OSGIN1: variants seen among roughly 807,000 people sequenced by gnomAD.
OSGIN1 encodes oxidative stress induced growth inhibitor 1, also known as oxidative stress-induced growth inhibitor 1.
A neutral mutation model predicts 20.1 loss-of-function variants in OSGIN1; 19 were observed. The observed-to-expected ratio is 0.95, with a 90% CI of 0.66 to 1.39. The LOEUF (loss-of-function observed/expected upper bound fraction) is 1.39, where lower values mean the gene tolerates loss of function less well. Among genes scored for constraint, OSGIN1 ranks in the 40% most tolerant of loss-of-function variants. The pLI is 0.00. For synonymous variants in OSGIN1, 368 were observed against 297.8 expected, an observed-to-expected ratio of 1.24 and a Z score of -2.43; for missense variants, 820 against 653.0, an observed-to-expected ratio of 1.26 and a Z score of -2.79.
Position 83,965,984 on chromosome 16 carries a change from AAGG to A in OSGIN1, c.1414_1416del (p.Glu472del). 1.3e-6 allele frequency: 2 copies of A among 1,591,434 alleles called. No individual in the cohort carries two copies. Among genetic ancestry groups the A allele is most frequent in the South Asian group, 1.1e-5 (1 of 88,866 alleles). On this transcript the variant is annotated inframe_deletion, in exon 6 of 6. Coordinates refer to ENST00000393306, the MANE Select transcript of OSGIN1 (RefSeq NM_182981.3). ...GGCTGTGGCCAGCTCCCTGCTAAGG[AAGG>A]AGACCAGGAAGCCACCCTAACACTC...
chr16:83,957,031 C>G (rs778747161), intron 1 of OSGIN1: 8 of 152,446 alleles, frequency 5.2e-5, no homozygotes, highest in African/African-American at 1.7e-4. Flanking sequence ...CTGGGGCAGG[C>G]CACAGCGCTG....
intron 1 of OSGIN1, among the ~76,000 whole-genome samples, chr16:83,957,394 T>C (rs1399838028): frequency 6.7e-6 from 1 of 149,056 alleles, no homozygotes; most frequent in Non-Finnish European, 1.5e-5. Context: ...AGTGGCTGCC[T>C]GGGGCAACCA....
chr16:83,958,069 G>A (rs1909029963), intron 2 of OSGIN1, among the ~76,000 whole-genome samples: 1 of 152,018 alleles, frequency 6.6e-6, no homozygotes, highest in African/African-American at 2.4e-5. Flanking sequence ...TAGAGATGGG[G>A]TTTCGCCATG....
intron 5 of OSGIN1, 156 bp downstream of exon 5, chr16:83,961,228 A>G (rs2084207865): frequency 4.8e-6 from 3 of 621,830 alleles, no homozygotes; most frequent in Middle Eastern, 4.2e-4. Context: ...CATGTGCCCA[A>G]GGTGATCCGG....
At chr16:83,959,965 C>T (rs1052837479) in intron 3 of OSGIN1, among the ~76,000 whole-genome samples, 2 of 152,198 alleles carry the variant, frequency 1.3e-5, no homozygotes, top group Non-Finnish European at 2.9e-5. Flanking sequence ...TACCCCTTGT[C>T]TTCCACTGTG....
chr16:83,965,952 G>A lies in OSGIN1; in HGVS notation c.1379G>A (p.Gly460Asp), dbSNP rs922055576. ...GDNFVRFVQG[G>D]ALAVASSLLR... ...AACTTCGTGAGGTTTGTGCAGGGGGGCGCCTTGGCTGTGGCCAGCTCCCTG... is the reference window on the plus strand; with the variant it reads ...AACTTCGTGAGGTTTGTGCAGGGGGACGCCTTGGCTGTGGCCAGCTCCCTG... The change falls in exon 6 of 6, where the codon GGC becomes GAC. Residue 460 changes from glycine to aspartate, a missense_variant. Physicochemically the swap from Gly to Asp is moderately conservative, Grantham distance 94. Coordinates refer to ENST00000393306, the MANE Select transcript of OSGIN1 (RefSeq NM_182981.3). 5 of 1,610,326 alleles carry A rather than the reference G, an allele frequency of 3.1e-6. No individual in the cohort carries two copies. Among genetic ancestry groups the A allele is most frequent in the African/African-American group, 1.3e-5 (1 of 74,896 alleles).
chr16:83,956,692 G>T (rs1423721818), intron 1 of OSGIN1, among the ~76,000 whole-genome samples: 1 of 152,200 alleles, frequency 6.6e-6, no homozygotes, highest in Non-Finnish European at 1.5e-5. Flanking sequence ...GCGTGAGGCG[G>T]ATATGAGAAA....
chr16:83,960,475 C>T (rs748796088), intron 3 of OSGIN1, 94 bp from the exon 4 acceptor site: 37 of 975,126 alleles, frequency 3.8e-5, no homozygotes, highest in African/African-American at 4.9e-5. Flanking sequence ...GGAAATGGCC[C>T]GGCCCCAGTC....
At position 83,966,128 on chromosome 16, in the gene OSGIN1, T is replaced by A; in HGVS notation, c.*121T>A. 1.2e-6 allele frequency: 1 copy of A among 819,424 alleles called. No individual in the cohort carries two copies. The highest frequency in any genetic ancestry group is 1.9e-6 in the Non-Finnish European group (1 of 538,314). 50.8% of individuals were successfully genotyped at this position (819,424 alleles called of 1,614,324 possible). ...GGGTGTCAGCCCACGTTGCTGGCCT[T>A]TGGGGTCAAGAGGAGTAGGGATCCC... On this transcript the variant is annotated 3_prime_UTR_variant, in exon 6 of 6. Transcript: ENST00000393306.
At chr16:83,957,856 ATTTT>A (rs1289092990) in intron 2 of OSGIN1, 118 bp downstream of exon 2, 2 of 396,858 alleles carry the variant, frequency 5.0e-6, no homozygotes, top group Non-Finnish European at 8.9e-6. Flanking sequence ...TTTGGGGTTT[ATTTT>A]TTATTTATTT....
At chr16:83,953,595 A>AC (rs763954346) in intron 1 of OSGIN1, among the ~76,000 whole-genome samples, 2 of 152,098 alleles carry the variant, frequency 1.3e-5, no homozygotes, top group African/African-American at 2.4e-5. Flanking sequence ...GGTGCCTGGT[A>AC]CCCTCAGCCA....
intron 5 of OSGIN1, among the ~76,000 whole-genome samples, chr16:83,963,498 C>T (rs12929191): frequency 0.014 from 2,181 of 152,200 alleles, 30 homozygotes; most frequent in Non-Finnish European, 0.021. Flanking sequence ...GTTACCCAGC[C>T]CCTGCCAGCC....
At chr16:83,959,608 C>T (rs1006974689) in intron 3 of OSGIN1, among the ~76,000 whole-genome samples, 4 of 152,144 alleles carry the variant, frequency 2.6e-5, no homozygotes, top group African/African-American at 7.2e-5. Flanking sequence ...TGCCCTAGGC[C>T]GGTTGTTCTC....
At chr16:83,960,798 C>T (rs559666565) in intron 4 of OSGIN1, 38 bp downstream of exon 4, 9 of 1,597,190 alleles carry the variant, frequency 5.6e-6, no homozygotes, top group Admixed American at 5.1e-5. Flanking sequence ...GTGGGGGGCT[C>T]TCTCCCTCGT....
chr16:83,956,807 G>A (rs568069490), intron 1 of OSGIN1, among the ~76,000 whole-genome samples: 18 of 152,204 alleles, frequency 1.2e-4, no homozygotes, highest in Non-Finnish European at 2.9e-5. Context: ...TGTGGCCCTC[G>A]GGTGAGGCTG....
Position 83,965,490 on chromosome 16 carries a change from A to G in OSGIN1, c.917A>G (p.His306Arg). ...SAADAVLYAR[H>R]YNIPVIHAFR... is the part of the protein sequence containing the mutation. ...GCCGACGCGGTCCTCTACGCCCGCC[A>G]CTACAACATCCCGGTGATCCATGCC... The change falls in exon 6 of 6, where the codon CAC (histidine) becomes CGC (arginine). Residue 306 changes from histidine to arginine, a missense_variant. His to Arg is a conservative substitution (Grantham distance 29, BLOSUM62 0). Transcript: ENST00000393306. 1 of 1,611,012 alleles carries G rather than the reference A, an allele frequency of 6.2e-7. No individual in the cohort carries two copies. Among genetic ancestry groups the G allele is most frequent in the South Asian group, 1.1e-5 (1 of 91,074 alleles).
At position 83,960,978 on chromosome 16, in the gene OSGIN1, C is replaced by T; in HGVS notation, c.397-3C>T. ...CTGGACCAAAGGGTTCCTTTCCCTG[C>T]AGTCCATCGAAGGCTCCATGGTGAT... On this transcript the variant is annotated splice_polypyrimidine_tract_variant and splice_region_variant and intron_variant, in intron 4 of 5. Transcript: ENST00000393306. The T allele has an allele frequency of 6.2e-7, 1 of 1,612,544 alleles. No individual in the cohort carries two copies. The highest frequency in any genetic ancestry group is 8.5e-7 in the Non-Finnish European group (1 of 1,179,028).
chr16:83,957,349 G>A (rs1176387112), intron 1 of OSGIN1, among the ~76,000 whole-genome samples: 1 of 152,150 alleles, frequency 6.6e-6, no homozygotes, highest in Non-Finnish European at 1.5e-5. Context: ...TACTGCCCCA[G>A]TGAGATGGGA....
chr16:83,966,110 A>G lies in OSGIN1; in HGVS notation c.*103A>G, dbSNP rs1567659293. 2.1e-6 allele frequency: 2 copies of G among 968,528 alleles called. No individual in the cohort carries two copies. Among genetic ancestry groups the G allele is most frequent in the East Asian group, 5.3e-5 (2 of 37,942 alleles). 60.0% of individuals were successfully genotyped at this position (968,528 alleles called of 1,614,324 possible). A position where few individuals can be genotyped will look rare whatever the true frequency, so the allele number is the denominator to read the frequency against. ...CAAAGATGCCCCGGGGAGGGGTGTCAGCCCACGTTGCTGGCCTTTGGGGTC... is the reference window on the plus strand; with the variant it reads ...CAAAGATGCCCCGGGGAGGGGTGTCGGCCCACGTTGCTGGCCTTTGGGGTC... On this transcript the variant is annotated 3_prime_UTR_variant, in exon 6 of 6. Transcript: ENST00000393306.
Sources: gnomAD v4.1 joint callset for allele counts (sites outside exome capture counted in the v4.1 genomes callset) on GRCh38, gnomAD v4.1.1 for gene constraint, MANE v1.5 for transcripts, NCBI Gene and HGNC (gene_info 2026-07-23, HGNC 2026-07-21) for gene names.